The following HGS variants were observed in gnomAD, a reference collection of about 807,000 sequenced individuals.
HGS encodes hepatocyte growth factor-regulated tyrosine kinase substrate.
HGS carries 63 observed loss-of-function variants against 109.7 expected under a neutral mutation model. The ratio of observed to expected loss-of-function variants is 0.57; its 90% CI spans 0.47 to 0.71. The LOEUF (loss-of-function observed/expected upper bound fraction) is 0.71. Among genes scored for constraint, HGS ranks in the 30% least tolerant of loss-of-function variants. The probability of loss-of-function intolerance (pLI) is 0.00; values close to 1 mark genes in which losing one functional copy is unlikely to be tolerated. For missense variants in HGS, 995 were observed against 1,068.3 expected (o/e 0.93, Z 0.96); for synonymous variants, 546 against 437.3 (o/e 1.25, Z -3.10).
At chr17:81,684,204 C>T (rs1004564235) in intron 1 of HGS, 101 bp downstream of exon 1, 2 of 1,056,148 alleles carry the variant, frequency 1.9e-6, no homozygotes, top group Non-Finnish European at 2.5e-6. Context: ...GCGGACCGGC[C>T]GCCCTGCCCG....
At chr17:81,699,565 A>C (rs1038590173) in intron 18 of HGS, among the ~76,000 whole-genome samples, 1 of 152,196 alleles carries the variant, frequency 6.6e-6, no homozygotes, top group African/African-American at 2.4e-5. Context: ...AGCTGGGATT[A>C]CAGGCGCCTG....
Position 81,688,975 on chromosome 17 carries a change from C to T in HGS, c.415+148C>T, listed in dbSNP as rs926859836. On this transcript the variant is annotated intron_variant, in intron 5 of 21. Coordinates refer to ENST00000329138, the MANE Select transcript of HGS (RefSeq NM_004712.5). ...GCGGTGGCCTGGAGCCAGGGAAGAC[C>T]GTGCATGTGAGGGCGGGTTCAGACC... 4.6e-5 allele frequency: 52 copies of T among 1,124,034 alleles called. No homozygotes were observed. In the South Asian group the frequency reaches 6.6e-4, roughly 14 times the overall value. 69.6% of individuals were successfully genotyped at this position (1,124,034 alleles called of 1,614,324 possible).
rs574360482 is a variant in HGS at position 81,700,507 on chromosome 17, C to T, written c.1923C>T (p.Ala641=). Residue 641 remains alanine, a synonymous_variant, in exon 19 of 22, where the codon GCC becomes GCT. Coordinates refer to ENST00000329138, the MANE Select transcript of HGS (RefSeq NM_004712.5). ...MVSAYMYPAG[A]TGAQAAPQAQ... ...GTGCCTACATGTACCCAGCAGGGGC[C>T]ACTGGGGCGCAGGCGGCCCCCCAGG... 1 of 1,606,414 alleles carries T rather than the reference C, an allele frequency of 6.2e-7. No homozygotes were observed. Among genetic ancestry groups the T allele is most frequent in the East Asian group, 2.2e-5 (1 of 44,824 alleles).
Position 81,701,647 on chromosome 17 carries a change from A to C in HGS, c.*29A>C. ...AGGCCATGCTCACGTCCGGAGTAAC[A>C]CTACATACAGTTCACCTGAAACGCC... On this transcript the variant is annotated 3_prime_UTR_variant, in exon 22 of 22. Coordinates refer to ENST00000329138, the MANE Select transcript of HGS (RefSeq NM_004712.5). 1 of 1,532,590 alleles carries C rather than the reference A, an allele frequency of 6.5e-7. No homozygotes were observed. The highest frequency in any genetic ancestry group is 8.7e-7 in the Non-Finnish European group (1 of 1,142,910). The allele number at this position is 1,532,590 out of a possible 1,614,324, so 94.9% of individuals were successfully genotyped here. A position where few individuals can be genotyped will look rare whatever the true frequency, so the allele number is the denominator to read the frequency against.
At chr17:81,695,279 C>G in intron 14 of HGS, 56 bp downstream of exon 14, 1 of 1,559,998 alleles carries the variant, frequency 6.4e-7, no homozygotes, top group Non-Finnish European at 8.8e-7. Context: ...TGGCCCACAG[C>G]GCCAGGCACA....
chr17:81,685,004 A>G lies in HGS; in HGVS notation c.38-601A>G, dbSNP rs142544786. Reference sequence around the variant, plus strand: ...TGTATCCGGGAAAGGCGATGTGGGCAGAGCTGGAGCTGCCCCCCCAGAGGG... The same window carrying G: ...TGTATCCGGGAAAGGCGATGTGGGCGGAGCTGGAGCTGCCCCCCCAGAGGG... On this transcript the variant is annotated intron_variant, in intron 1 of 21. Coordinates refer to ENST00000329138, the MANE Select transcript of HGS (RefSeq NM_004712.5). 2.8e-4 allele frequency: 277 copies of G among 985,418 alleles called. 3 individuals carry two copies. The East Asian group carries it at 0.023, about 82-fold the overall frequency. The allele number at this position is 985,418 out of a possible 1,614,324, so 61.0% of individuals were successfully genotyped here. A position where few individuals can be genotyped will look rare whatever the true frequency, so the allele number is the denominator to read the frequency against.
At chr17:81,699,482 G>A (rs7406440) in intron 18 of HGS, among the ~76,000 whole-genome samples, 134,558 of 152,266 alleles carry the variant, frequency 0.88, 59,872 homozygotes, top group East Asian at 1. Context: ...CTGGAGTGCA[G>A]TGGTGCGACG....
intron 18 of HGS, 85 bp from the exon 19 acceptor site, chr17:81,700,382 A>T: frequency 7.1e-7 from 1 of 1,410,110 alleles, no homozygotes; most frequent in Non-Finnish European, 9.5e-7. Context: ...AAAAAAAAAA[A>T]AAAGTAAAAC....
In HGS at chr17:81,696,849, G is replaced by A. The variant is rs1425785355; in HGVS notation, c.1733G>A (p.Gly578Asp). The A allele has an allele frequency of 6.2e-7, 1 of 1,611,058 alleles. No homozygotes were observed. The highest frequency in any genetic ancestry group is 8.5e-7 in the Non-Finnish European group (1 of 1,179,450). Reference sequence around the variant, plus strand: ...CTCCAGGCCATGCCCGCAGCCGGAGGTGTGCTCTACCAGCCCTCGGGACCA... The same window carrying A: ...CTCCAGGCCATGCCCGCAGCCGGAGATGTGCTCTACCAGCCCTCGGGACCA... The part of the protein sequence containing the change: ...AQLQAMPAAG[G>D]VLYQPSGPAS... Residue 578 changes from glycine (G) to aspartate (D), a missense_variant, in exon 18 of 22, where the codon GGT becomes GAT. Transcript: ENST00000329138.
intron 15 of HGS, 162 bp from the exon 16 acceptor site, chr17:81,696,195 G>A (rs2037144264): frequency 2.7e-5 from 28 of 1,038,966 alleles, no homozygotes; most frequent in South Asian, 2.5e-4. Flanking sequence ...GCCCTGCCCT[G>A]CCCTGCCCAG....
At position 81,686,908 on chromosome 17, in the gene HGS, G is replaced by C. The variant is rs2036988031; in HGVS notation, c.199-95G>C. The C allele has an allele frequency of 9.2e-6, 9 of 980,574 alleles. No individual in the cohort carries two copies. In the South Asian group the frequency reaches 1.3e-4, roughly 14 times the overall value. 60.7% of individuals were successfully genotyped at this position (980,574 alleles called of 1,614,324 possible). A position where few individuals can be genotyped will look rare whatever the true frequency, so the allele number is the denominator to read the frequency against. ...CGGCCACTGACGGGCCTGTCGAAGG[G>C]CTCTGCTGTCCCACAGGGAGGTGGG... On this transcript the variant is annotated intron_variant, in intron 3 of 21. Transcript: ENST00000329138.
chr17:81,698,370 C>T (rs2037185710), intron 18 of HGS: 1 of 152,224 alleles, frequency 6.6e-6, no homozygotes, highest in Admixed American at 6.5e-5. Flanking sequence ...AGTGATCCGC[C>T]CTTCTCGGCC....
chr17:81,700,986 C>T (rs2144508500), intron 20 of HGS, 59 bp from the exon 21 acceptor site: 12 of 1,559,648 alleles, frequency 7.7e-6, no homozygotes, highest in Non-Finnish European at 1.1e-5. Context: ...AAGCCAGAAA[C>T]ATCCCCGCCT....
chr17:81,690,590 G>A, intron 6 of HGS, 84 bp from the exon 7 acceptor site: 2 of 1,373,730 alleles, frequency 1.5e-6, no homozygotes, highest in Non-Finnish European at 2.0e-6. Flanking sequence ...TGGGTCCGTT[G>A]CCTTCTGTGG....
Position 81,695,039 on chromosome 17 carries a change from G to T in HGS, c.1091G>T (p.Gly364Val). The T allele has an allele frequency of 6.2e-7, 1 of 1,613,772 alleles. No individual in the cohort carries two copies. The highest frequency in any genetic ancestry group is 8.5e-7 in the Non-Finnish European group (1 of 1,179,808). ...GAGCCGGCTGCACAGCCTGGGGAAG[G>T]GCACGCAGCCCCCACCAACGTGGTG... ...LTEPAAQPGE[G>V]HAAPTNVVEN... Residue 364 changes from glycine to valine, a missense_variant, in exon 13 of 22, where the codon GGG (glycine) becomes GTG (valine). Physicochemically the swap from Gly to Val is moderately radical, Grantham distance 109. Around this residue, in one of 6 missense-constraint regions of HGS, gnomAD observed 300 missense variants for 235.4 expected, o/e 1.27. Coordinates refer to ENST00000329138, the MANE Select transcript of HGS (RefSeq NM_004712.5).
At chr17:81,687,372 C>T (rs886445758) in intron 4 of HGS, among the ~76,000 whole-genome samples, 3 of 152,022 alleles carry the variant, frequency 2.0e-5, no homozygotes, top group Non-Finnish European at 2.9e-5. Context: ...GGGAAGCTTC[C>T]GGGAGGCAGG....
chr17:81,696,395 C>T lies in HGS; in HGVS notation c.1432C>T (p.Arg478Cys), dbSNP rs769779538. The T allele has an allele frequency of 9.4e-6, 15 of 1,587,454 alleles. No individual in the cohort carries two copies. Among genetic ancestry groups the T allele is most frequent in the Admixed American group, 1.8e-5 (1 of 55,470 alleles). The change falls in exon 16 of 22, where the codon CGC becomes TGC. Residue 478 changes from arginine (R) to cysteine (C), a missense_variant. Coordinates refer to ENST00000329138, the MANE Select transcript of HGS (RefSeq NM_004712.5). ...GCTGCAGGACAAGCTGGCACAGATC[C>T]GCGATGCCCGGGGGGCGCTGAGTGC... ...EGLQDKLAQIRDARGALSALR... is the reference protein window; with the variant it reads ...EGLQDKLAQICDARGALSALR...
chr17:81,688,348 C>T (rs2037013363), intron 4 of HGS, among the ~76,000 whole-genome samples: 2 of 152,096 alleles, frequency 1.3e-5, no homozygotes, highest in African/African-American at 2.4e-5. Flanking sequence ...CCTGTGTTCT[C>T]AGCCCCAACA....
At position 81,685,621 on chromosome 17, in the gene HGS, G is replaced by T. The variant is rs771675218; in HGVS notation, c.54G>T (p.Gln18His). The T allele has an allele frequency of 3.1e-6, 5 of 1,610,404 alleles. 1 individual carries two copies. In the African/African-American group the frequency reaches 4.0e-5, roughly 13 times the overall value. The change falls in exon 2 of 22, where the codon CAG becomes CAT. Residue 18 changes from glutamine (Q) to histidine (H), a missense_variant. Physicochemically the swap from Gln to His is conservative, Grantham distance 24. Around this residue, in one of 6 missense-constraint regions of HGS, gnomAD observed 23 missense variants for 25.4 expected, o/e 0.91. Transcript: ENST00000329138. ...CTCTCTCAGACAAGGCGACCAGCCA[G>T]CTCCTGTTGGAGACAGATTGGGAGT... is the stretch of plus-strand genomic sequence containing the variant. ...FERLLDKATS[Q>H]LLLETDWESI...
Sources: allele counts gnomAD v4.1 joint callset (sites outside exome capture counted in the v4.1 genomes callset), GRCh38; gene constraint gnomAD v4.1.1; regional missense constraint gnomAD v4.1.1; transcripts MANE v1.5; gene names NCBI Gene and HGNC (gene_info 2026-07-23, HGNC 2026-07-21).